Variants in MRPL45 observed in about 807,000 individuals in gnomAD.
The protein encoded by MRPL45 is large ribosomal subunit protein mL45.
MRPL45 carries 20 observed loss-of-function variants against 38.1 expected under a neutral mutation model. The ratio of observed to expected loss-of-function variants is 0.53; its 90% CI spans 0.37 to 0.76. MRPL45 has a LOEUF of 0.76. Among genes scored for constraint, MRPL45 ranks in the 30% least tolerant of loss-of-function variants. The pLI is 0.00. For missense variants in MRPL45, 337 were observed against 395.6 expected, an observed-to-expected ratio of 0.85 and a Z score of 1.26; for synonymous variants, 105 against 128.8, an observed-to-expected ratio of 0.82 and a Z score of 1.25.
At chr17:38,312,287 C>G (rs1476229048) in intron 4 of MRPL45, among the ~76,000 whole-genome samples, 1 of 152,104 alleles carries the variant, frequency 6.6e-6, no homozygotes, top group Non-Finnish European at 1.5e-5. Flanking sequence ...CTCAGGTGAT[C>G]CGCCTGCCTC....
chr17:38,322,497 C>T lies in MRPL45; in HGVS notation c.835-12C>T, dbSNP rs753471900. ...CTTGGTTGGTGGGTAACCTGGCGTC[C>T]TACTCTTTCAGACGGTGATGATCCC... On this transcript the variant is annotated splice_polypyrimidine_tract_variant and intron_variant, in intron 7 of 7. Transcript: ENST00000613675. 8 of 1,612,226 alleles carry T rather than the reference C, an allele frequency of 5.0e-6. No individual in the cohort carries two copies. The highest frequency in any genetic ancestry group is 3.3e-5 in the Admixed American group (2 of 59,886).
In MRPL45 at chr17:38,309,947, T is replaced by C. The variant is rs147284500; in HGVS notation, c.461+3316T>C. Among the ~76,000 whole-genome samples the C allele has an allele frequency of 1.4e-3, 213 of 152,254 alleles. 5 individuals carry two copies. In the East Asian group the frequency reaches 0.036, roughly 26 times the overall value. ...GATCTTTCACTGTGTGCCAAATGTG[T>C]CTTCAGCTCTTTTCTATATTTTTCC... is the stretch of plus-strand genomic sequence containing the variant. On this transcript the variant is annotated intron_variant, in intron 4 of 7. Coordinates refer to ENST00000613675, the MANE Select transcript of MRPL45 (RefSeq NM_032351.6).
chr17:38,309,668 A>G (rs1398329518), intron 4 of MRPL45, among the ~76,000 whole-genome samples: 2 of 151,328 alleles, frequency 1.3e-5, no homozygotes, highest in African/African-American at 4.8e-5. Flanking sequence ...CTTGTTGCCC[A>G]GGCTGGTCTT....
At chr17:38,311,755 G>A (rs2037114625) in intron 4 of MRPL45, among the ~76,000 whole-genome samples, 2 of 150,438 alleles carry the variant, frequency 1.3e-5, no homozygotes, top group Non-Finnish European at 2.9e-5. Flanking sequence ...GACACAGCAA[G>A]AAGTCAACAT....
At chr17:38,308,220 A>T (rs2037073630) in intron 4 of MRPL45, among the ~76,000 whole-genome samples, 1 of 151,136 alleles carries the variant, frequency 6.6e-6, no homozygotes, top group Non-Finnish European at 1.5e-5. Flanking sequence ...TCCTGGGTTC[A>T]AGCAATTCTC....
intron 3 of MRPL45, among the ~76,000 whole-genome samples, chr17:38,303,555 A>G (rs1368588727): frequency 6.6e-6 from 1 of 151,940 alleles, no homozygotes; most frequent in Non-Finnish European, 1.5e-5. Context: ...CAGCCTCCCA[A>G]AGTGCTAGGA....
intron 3 of MRPL45, among the ~76,000 whole-genome samples, chr17:38,305,710 T>C (rs1396332047): frequency 1.3e-5 from 2 of 149,458 alleles, no homozygotes; most frequent in Non-Finnish European, 3.0e-5. Flanking sequence ...TGGTGCGATC[T>C]CTGCTCACTG....
At chr17:38,313,359 TATATATACGTATATATATATATATAC>T (rs2037142520) in intron 4 of MRPL45, among the ~76,000 whole-genome samples, 5 of 21,098 alleles carry the variant, frequency 2.4e-4, no homozygotes, top group African/African-American at 9.5e-4. Flanking sequence ...TATATATATA[TATATATACGTATATATATATATATAC>T]ATATATATAT....
chr17:38,305,189 C>T (rs1346876136), intron 3 of MRPL45, among the ~76,000 whole-genome samples: 2 of 136,340 alleles, frequency 1.5e-5, no homozygotes, highest in Non-Finnish European at 1.6e-5. Flanking sequence ...CCCAGTGTTG[C>T]CAGGTGCCAT....
intron 2 of MRPL45, among the ~76,000 whole-genome samples, 174 bp downstream of exon 2, chr17:38,298,800 T>G (rs1169624417): frequency 2.0e-5 from 3 of 152,140 alleles, no homozygotes; most frequent in African/African-American, 7.2e-5. Flanking sequence ...GAACTTACTT[T>G]CACACTGTCC....
chr17:38,317,754 T>G (rs1030855101), intron 4 of MRPL45, among the ~76,000 whole-genome samples: 2 of 151,872 alleles, frequency 1.3e-5, no homozygotes, highest in African/African-American at 4.8e-5. Flanking sequence ...TTTGTATTTT[T>G]AGTAGAGATG....
At position 38,320,610 on chromosome 17, in the gene MRPL45, G is replaced by A. The variant is rs2037219656; in HGVS notation, c.511-8G>A. The A allele has an allele frequency of 3.7e-6, 6 of 1,613,794 alleles. No homozygotes were observed. The highest frequency in any genetic ancestry group is 5.1e-6 in the Non-Finnish European group (6 of 1,179,820). On this transcript the variant is annotated splice_polypyrimidine_tract_variant and splice_region_variant and intron_variant, in intron 5 of 7. Transcript: ENST00000613675. ...AATGCAGTTGAACTTGTTCTCCTTT[G>A]CCCTTAGGACATGACTTGGGACATC... is the stretch of plus-strand genomic sequence containing the variant.
rs532402760 is a variant in MRPL45, at chr17:38,302,161, A to G, written c.362+2693A>G. On this transcript the variant is annotated intron_variant, in intron 3 of 7. Coordinates refer to ENST00000613675, the MANE Select transcript of MRPL45 (RefSeq NM_032351.6). The stretch of plus-strand genomic sequence containing the variant: ...AAGATAACTTGGTCTGGGAGATCAG[A>G]GAAGACTTGCCTGAGGAAATGATAT... Among the ~76,000 whole-genome samples the G allele has an allele frequency of 3.4e-5, 5 of 146,488 alleles. No individual in the cohort carries two copies. The South Asian group carries it at 6.6e-4, about 19-fold the overall frequency.
At chr17:38,309,573 A>C (rs1318539917) in intron 4 of MRPL45, among the ~76,000 whole-genome samples, 1 of 151,192 alleles carries the variant, frequency 6.6e-6, no homozygotes, top group East Asian at 1.9e-4. Context: ...GTATTCAGCA[A>C]TTTACTATGA....
chr17:38,318,997 T>TTTTA (rs575783313), intron 5 of MRPL45, among the ~76,000 whole-genome samples: 13,590 of 127,314 alleles, frequency 0.11, 888 homozygotes, highest in South Asian at 0.16. Flanking sequence ...CCAGCTAATT[T>TTTTA]TTTATTTATT....
At chr17:38,311,322 T>TG (rs1049725562) in intron 4 of MRPL45, among the ~76,000 whole-genome samples, 7 of 152,044 alleles carry the variant, frequency 4.6e-5, no homozygotes, top group Non-Finnish European at 8.8e-5. Flanking sequence ...GTATAGGCTG[T>TG]GGGGGGCCCT....
intron 5 of MRPL45, 82 bp downstream of exon 5, chr17:38,318,817 CTTTTCTTTTCTT>C: frequency 1.2e-6 from 1 of 856,982 alleles, no homozygotes; most frequent in Non-Finnish European, 1.8e-6. Context: ...CTTTTCTTTT[CTTTTCTTTTCTT>C]TTTTTTTTTT....
chr17:38,319,684 G>A (rs1326147575), intron 5 of MRPL45, among the ~76,000 whole-genome samples: 12 of 152,158 alleles, frequency 7.9e-5, no homozygotes, highest in East Asian at 5.8e-4. Context: ...ATCTCCACAC[G>A]CCTGCACTAT....
intron 4 of MRPL45, among the ~76,000 whole-genome samples, chr17:38,314,447 A>C (rs1428886431): frequency 6.6e-6 from 1 of 152,136 alleles, no homozygotes. Flanking sequence ...AAAAGTTTTA[A>C]ATTTTGATGA....
Sources: allele counts gnomAD v4.1 joint callset (sites outside exome capture counted in the v4.1 genomes callset), GRCh38; gene constraint gnomAD v4.1.1; transcripts MANE v1.5; gene names NCBI Gene and HGNC (gene_info 2026-07-23, HGNC 2026-07-21).